CAMTA1: variants seen among roughly 807,000 people sequenced by gnomAD.
CAMTA1 encodes the protein calmodulin-binding transcription activator 1.
A neutral mutation model predicts 170.9 loss-of-function variants in CAMTA1; 27 were observed. The observed-to-expected ratio is 0.16, with a 90% confidence interval of 0.12 to 0.22. The LOEUF is 0.22. Among genes scored for constraint, CAMTA1 ranks in the 10% least tolerant of loss-of-function variants. The pLI is 1.00. For missense variants in CAMTA1, 1,619 were observed against 2,217.2 expected (o/e 0.73, Z 5.42); for synonymous variants, 833 against 891.5 (o/e 0.93, Z 1.17).
At chr1:7,671,095 A>T in intron 10 of CAMTA1, 58 bp downstream of exon 10, 1 of 1,593,204 alleles carries the variant, frequency 6.3e-7, no homozygotes, top group Non-Finnish European at 8.6e-7. Context: ...GGAGCACTGG[A>T]CTCGGAGTTG....
intron 7 of CAMTA1, among the ~76,000 whole-genome samples, chr1:7,651,049 G>T (rs1238872970): frequency 2.0e-5 from 3 of 152,162 alleles, no homozygotes; most frequent in African/African-American, 7.2e-5. Context: ...TCCGCCTCCG[G>T]CACGTGGTTC....
At chr1:6,988,262 G>A (rs1184855195) in intron 3 of CAMTA1, among the ~76,000 whole-genome samples, 1 of 152,118 alleles carries the variant, frequency 6.6e-6, no homozygotes, top group Admixed American at 6.5e-5. Context: ...GAAAGCTGGT[G>A]CTGGGCTTCC....
At chr1:7,600,491 C>CTT (rs60909261) in intron 6 of CAMTA1, among the ~76,000 whole-genome samples, 21,213 of 142,916 alleles carry the variant, frequency 0.15, 1,685 homozygotes, top group African/African-American at 0.2. Context: ...TTTTCTTTTT[C>CTT]TTTTTTTTTT....
At chr1:7,637,447 A>G (rs1452216106) in intron 6 of CAMTA1, among the ~76,000 whole-genome samples, 1 of 152,216 alleles carries the variant, frequency 6.6e-6, no homozygotes, top group Non-Finnish European at 1.5e-5. Context: ...CCCTCAGCCC[A>G]GACGCGGTCC....
intron 10 of CAMTA1, among the ~76,000 whole-genome samples, chr1:7,671,545 G>A (rs2096060601): frequency 6.6e-6 from 1 of 152,250 alleles, no homozygotes; most frequent in African/African-American, 2.4e-5. Flanking sequence ...GCAGAAGGCT[G>A]GAGAAAGCCT....
chr1:6,860,190 T>C (rs890113566), intron 3 of CAMTA1, among the ~76,000 whole-genome samples: 3 of 152,208 alleles, frequency 2.0e-5, no homozygotes, highest in Non-Finnish European at 4.4e-5. Flanking sequence ...ATCCTATGAG[T>C]CATGCTCCCA....
intron 12 of CAMTA1, among the ~76,000 whole-genome samples, chr1:7,734,166 C>T (rs11121011): frequency 0.45 from 68,405 of 151,940 alleles, 16,010 homozygotes; most frequent in Admixed American, 0.56. Context: ...AGACTGGTCT[C>T]GAACTCCCAA....
At chr1:7,630,765 C>T (rs2095663725) in intron 6 of CAMTA1, among the ~76,000 whole-genome samples, 3 of 152,332 alleles carry the variant, frequency 2.0e-5, no homozygotes, top group African/African-American at 4.8e-5. Flanking sequence ...TGCCAGCCAT[C>T]GCTCAGAATC....
chr1:7,671,130 C>A, intron 10 of CAMTA1, 93 bp downstream of exon 10: 1 of 1,369,412 alleles, frequency 7.3e-7, no homozygotes, highest in Non-Finnish European at 1.0e-6. Context: ...TTGAGCAGGT[C>A]ATGTCCTTAC....
At position 7,663,491 on chromosome 1, in the gene CAMTA1, A is replaced by C. The variant is rs764583422; in HGVS notation, c.944A>C (p.His315Pro). 6.3e-7 allele frequency: 1 copy of C among 1,599,342 alleles called. No homozygotes were observed. Among genetic ancestry groups the C allele is most frequent in the South Asian group, 1.1e-5 (1 of 90,044 alleles). The change falls in exon 9 of 23, where the codon CAC (histidine) becomes CCC (proline). Residue 315 changes from histidine (H) to proline (P), a missense_variant. Coordinates refer to ENST00000303635, the MANE Select transcript of CAMTA1 (RefSeq NM_015215.4). ...GACGTGTCGGAGGGCAAGCACGAGC[A>C]CAGCCACAGCAAGGGCTCCAGCCGT... is the stretch of plus-strand genomic sequence containing the variant. ...HNDVSEGKHE[H>P]SHSKGSSREK...
chr1:7,388,988 C>G (rs1318258602), intron 5 of CAMTA1, among the ~76,000 whole-genome samples: 1 of 152,232 alleles, frequency 6.6e-6, no homozygotes, highest in Non-Finnish European at 1.5e-5. Flanking sequence ...TTGTTACACT[C>G]TCCATCCCCG....
intron 22 of CAMTA1, 28 bp downstream of exon 22, chr1:7,755,696 T>G: frequency 1.2e-6 from 2 of 1,608,404 alleles, no homozygotes; most frequent in South Asian, 2.2e-5. Context: ...CTAGCCAGTT[T>G]CTCTTCTCTT....
chr1:7,220,041 G>A (rs917361273), intron 4 of CAMTA1, among the ~76,000 whole-genome samples: 2 of 152,192 alleles, frequency 1.3e-5, no homozygotes, highest in African/African-American at 4.8e-5. Context: ...AGACATAAAT[G>A]TCTGCTGTTT....
At chr1:6,819,324 C>T (rs1239446389) in intron 1 of CAMTA1, among the ~76,000 whole-genome samples, 2 of 151,770 alleles carry the variant, frequency 1.3e-5, no homozygotes, top group Admixed American at 6.6e-5. Context: ...AAAAAGTTAC[C>T]GTTGTGTAGG....
At chr1:6,787,340 C>T (rs529690964) in intron 1 of CAMTA1, among the ~76,000 whole-genome samples, 2 of 152,158 alleles carry the variant, frequency 1.3e-5, no homozygotes, top group Admixed American at 6.5e-5. Flanking sequence ...CTGGTGTTGT[C>T]TCTTGTGGGA....
At chr1:6,980,265 A>G (rs897714828) in intron 3 of CAMTA1, among the ~76,000 whole-genome samples, 1 of 152,032 alleles carries the variant, frequency 6.6e-6, no homozygotes, top group African/African-American at 2.4e-5. Flanking sequence ...TTCTGCTACC[A>G]TTGGACATCC....
chr1:7,270,599 A>G lies in CAMTA1; in HGVS notation c.438+20973A>G, dbSNP rs908290203. Among the ~76,000 whole-genome samples the G allele has an allele frequency of 9.2e-5, 14 of 152,242 alleles. No individual in the cohort carries two copies. In the East Asian group the frequency reaches 2.3e-3, roughly 25 times the overall value. On this transcript the variant is annotated intron_variant, in intron 5 of 22. Transcript: ENST00000303635. Reference sequence around the variant, plus strand: ...GCATGAGCCACTGTGCCTGGCCTACAAGATATATTAAAGGAAGTTCTTCAG... The same window carrying G: ...GCATGAGCCACTGTGCCTGGCCTACGAGATATATTAAAGGAAGTTCTTCAG...
At chr1:6,817,462 T>G (rs1645959538) in intron 1 of CAMTA1, among the ~76,000 whole-genome samples, 1 of 152,186 alleles carries the variant, frequency 6.6e-6, no homozygotes, top group Non-Finnish European at 1.5e-5. Context: ...ACTTTTCCCC[T>G]ATTGGAGATC....
At chr1:7,395,215 A>G (rs1293161937) in intron 5 of CAMTA1, among the ~76,000 whole-genome samples, 2 of 152,188 alleles carry the variant, frequency 1.3e-5, no homozygotes, top group South Asian at 4.1e-4. Flanking sequence ...CAGTTCTTAC[A>G]TATAAGAATA....
Sources: gnomAD v4.1 joint callset for allele counts (sites outside exome capture counted in the v4.1 genomes callset) on GRCh38, gnomAD v4.1.1 for gene constraint, MANE v1.5 for transcripts, NCBI Gene and HGNC (gene_info 2026-07-23, HGNC 2026-07-21) for gene names.